The following NEDD8 variants were observed in gnomAD, a reference collection of about 807,000 sequenced individuals.
NEDD8 encodes the protein NEDD8 ubiquitin like modifier.
A neutral mutation model predicts 13.8 loss-of-function variants in NEDD8; 1 was observed. The ratio of observed to expected loss-of-function variants is 0.07; its 90% CI spans 0.03 to 0.34. The LOEUF (loss-of-function observed/expected upper bound fraction) is 0.34. NEDD8 is among the 10% of genes least tolerant of loss of function. The pLI is 0.99. For missense variants in NEDD8, 10 were observed against 95.2 expected (o/e 0.10, Z 3.73); for synonymous variants, 31 against 33.2 (o/e 0.93, Z 0.23).
At chr14:24,219,474 G>GC (rs2039763454) in intron 1 of NEDD8, among the ~76,000 whole-genome samples, 1 of 31,324 alleles carries the variant, frequency 3.2e-5, no homozygotes, top group Admixed American at 6.2e-4. Flanking sequence ...CAACACCCTC[G>GC]CAAAAAAAAA....
intron 1 of NEDD8, among the ~76,000 whole-genome samples, chr14:24,231,413 C>T (rs2040015065): frequency 7.2e-6 from 1 of 138,058 alleles, no homozygotes. Flanking sequence ...GATGAAATAA[C>T]GATAGATTTA....
chr14:24,220,997 T>C (rs1412278313), intron 1 of NEDD8, among the ~76,000 whole-genome samples: 4 of 152,224 alleles, frequency 2.6e-5, no homozygotes, highest in African/African-American at 4.8e-5. Context: ...TACTAGTATG[T>C]TTCCAAAAAT....
At chr14:24,226,705 C>T (rs997047817) in intron 1 of NEDD8, 3 of 151,916 alleles carry the variant, frequency 2.0e-5, no homozygotes, top group Non-Finnish European at 2.9e-5. Context: ...ACAAGGGTAC[C>T]GTCTAGTAAG....
At chr14:24,220,686 C>T (rs1387411844) in intron 1 of NEDD8, among the ~76,000 whole-genome samples, 1 of 152,142 alleles carries the variant, frequency 6.6e-6, no homozygotes, top group Non-Finnish European at 1.5e-5. Flanking sequence ...TTTAATCCTC[C>T]CAGTATTTAT....
chr14:24,230,422 C>G (rs2039973281), intron 1 of NEDD8, among the ~76,000 whole-genome samples: 2 of 145,140 alleles, frequency 1.4e-5, no homozygotes, highest in African/African-American at 5.1e-5. Flanking sequence ...GTAGTCCCAG[C>G]TACTCGGGAG....
intron 1 of NEDD8, among the ~76,000 whole-genome samples, chr14:24,221,560 A>T (rs8008047): frequency 6.6e-6 from 1 of 151,092 alleles, no homozygotes; most frequent in Non-Finnish European, 1.5e-5. Flanking sequence ...GATTATAGGC[A>T]TGAGCCACCG....
chr14:24,231,067 T>G (rs1470644152), intron 1 of NEDD8, among the ~76,000 whole-genome samples: 2 of 152,006 alleles, frequency 1.3e-5, no homozygotes, highest in African/African-American at 4.8e-5. Context: ...TTTTTTGAAT[T>G]TATTGTACAG....
chr14:24,219,484 A>C (rs1168626334), intron 1 of NEDD8, among the ~76,000 whole-genome samples: 7 of 143,092 alleles, frequency 4.9e-5, no homozygotes, highest in African/African-American at 1.4e-4. Flanking sequence ...GCAAAAAAAA[A>C]AAAAAAAAAA....
At chr14:24,224,649 AC>A (rs1282657330) in intron 1 of NEDD8, among the ~76,000 whole-genome samples, 1 of 152,236 alleles carries the variant, frequency 6.6e-6, no homozygotes, top group Non-Finnish European at 1.5e-5. Flanking sequence ...ATATGAAGCA[AC>A]AAGAATATTA....
chr14:24,218,321 TA>T, intron 2 of NEDD8, 62 bp downstream of exon 2: 6 of 1,614,070 alleles, frequency 3.7e-6, no homozygotes, highest in Non-Finnish European at 5.1e-6. Context: ...ACCAAGTTCA[TA>T]AGCATATGCA....
In NEDD8 at chr14:24,230,306, G is replaced by A. The variant is rs1462104751; in HGVS notation, c.18+1944C>T. ...TCCCAGCACTTTGGGAGGCAGAGGC[G>A]GGCGGATCACGAGGTCAGGAGATCG... On this transcript the variant is annotated intron_variant, in intron 1 of 3. Coordinates refer to ENST00000250495, the MANE Select transcript of NEDD8 (RefSeq NM_006156.3). 3.4e-5 allele frequency among the ~76,000 whole-genome samples: 5 copies of A among 146,650 alleles called. No homozygotes were observed. In the South Asian group the frequency reaches 8.6e-4, roughly 25 times the overall value.
intron 1 of NEDD8, among the ~76,000 whole-genome samples, chr14:24,229,149 A>G (rs937526686): frequency 6.6e-6 from 1 of 152,258 alleles, no homozygotes; most frequent in Non-Finnish European, 1.5e-5. Flanking sequence ...CATTTTAGCA[A>G]GACCACAGGT....
intron 1 of NEDD8, among the ~76,000 whole-genome samples, chr14:24,231,132 C>T (rs2040002489): frequency 1.3e-5 from 2 of 152,116 alleles, no homozygotes; most frequent in African/African-American, 4.8e-5. Context: ...CTCAAGCGAT[C>T]GGCCTGCCTC....
intron 1 of NEDD8, chr14:24,232,036 G>A (rs1448922664): frequency 3.3e-5 from 22 of 663,474 alleles, no homozygotes; most frequent in Admixed American, 9.5e-5. Flanking sequence ...AGCAGGCATG[G>A]CAAAATACCC....
rs1594481355 is a variant in NEDD8, at chr14:24,218,231, T to C, written c.67-16A>G. 1 of 1,614,090 alleles carries C rather than the reference T, an allele frequency of 6.2e-7. No homozygotes were observed. Among genetic ancestry groups the C allele is most frequent in the Non-Finnish European group, 8.5e-7 (1 of 1,180,026 alleles). ...TTCGCTCCACCTTTAGAGAGACAAG[T>C]AGTCAGGGGCTGCTGCTTAGGGGTA... On this transcript the variant is annotated splice_polypyrimidine_tract_variant and intron_variant, in intron 2 of 3. Coordinates refer to ENST00000250495, the MANE Select transcript of NEDD8 (RefSeq NM_006156.3).
At chr14:24,230,408 G>A (rs1317436017) in intron 1 of NEDD8, among the ~76,000 whole-genome samples, 4 of 144,072 alleles carry the variant, frequency 2.8e-5, no homozygotes, top group Non-Finnish European at 4.6e-5. Flanking sequence ...GGTGGCAGGC[G>A]CCTGTAGTCC....
Position 24,218,366 on chromosome 14 carries a change from G to A in NEDD8, c.66+18C>T, listed in dbSNP as rs1324616350. 6.2e-7 allele frequency: 1 copy of A among 1,614,208 alleles called. No individual in the cohort carries two copies. Among genetic ancestry groups the A allele is most frequent in the Non-Finnish European group, 8.5e-7 (1 of 1,180,040 alleles). On this transcript the variant is annotated intron_variant, in intron 2 of 3. Coordinates refer to ENST00000250495, the MANE Select transcript of NEDD8 (RefSeq NM_006156.3). ...CACATGGCAAGAAGTACATGAAGAGGAGTTGGGCATGCATCACCTTGTCTG... is the reference window on the plus strand; with the variant it reads ...CACATGGCAAGAAGTACATGAAGAGAAGTTGGGCATGCATCACCTTGTCTG...
At chr14:24,221,586 AC>A (rs1183057843) in intron 1 of NEDD8, among the ~76,000 whole-genome samples, 1 of 150,648 alleles carries the variant, frequency 6.6e-6, no homozygotes, top group East Asian at 2.0e-4. Flanking sequence ...GGCCGATAAT[AC>A]AAATTTTTAT....
intron 1 of NEDD8, chr14:24,218,792 GC>G (rs2039751722): frequency 3.4e-6 from 1 of 295,112 alleles, no homozygotes; most frequent in African/African-American, 2.2e-5. Flanking sequence ...TGTTGACCAG[GC>G]TGGAGTGCAA....
Sources: allele counts gnomAD v4.1 joint callset (sites outside exome capture counted in the v4.1 genomes callset), GRCh38; gene constraint gnomAD v4.1.1; transcripts MANE v1.5; gene names NCBI Gene and HGNC (gene_info 2026-07-23, HGNC 2026-07-21).